The following PSTPIP2 variants were observed in gnomAD, a reference collection of about 807,000 sequenced individuals.
PSTPIP2 encodes proline-serine-threonine phosphatase-interacting protein 2.
Under a neutral mutation model 63.3 loss-of-function variants are expected in PSTPIP2, and 33 were observed. The observed-to-expected ratio is 0.52, with a 90% CI of 0.40 to 0.70. The LOEUF is 0.70. Ranked by LOEUF, PSTPIP2 falls within the 30% of genes least tolerant of loss-of-function variation. The pLI, the probability that PSTPIP2 is intolerant of heterozygous loss-of-function variation, is 0.00. For synonymous variants in PSTPIP2, 125 were observed against 132.7 expected, an observed-to-expected ratio of 0.94 and a Z score of 0.40; for missense variants, 312 against 400.7, an observed-to-expected ratio of 0.78 and a Z score of 1.89.
intron 1 of PSTPIP2, among the ~76,000 whole-genome samples, chr18:46,043,118 G>T (rs1342615234): frequency 2.0e-5 from 3 of 151,664 alleles, no homozygotes; most frequent in African/African-American, 4.9e-5. Context: ...AGGTGTGGTG[G>T]CTCATGCCTG....
intron 2 of PSTPIP2, chr18:46,029,635 C>G: frequency 1.3e-6 from 1 of 752,614 alleles, no homozygotes; most frequent in East Asian, 2.4e-5. Flanking sequence ...TGTTAATTCT[C>G]TGACATTCAA....
chr18:45,998,624 A>C (rs2051629320), intron 8 of PSTPIP2, among the ~76,000 whole-genome samples, 170 bp downstream of exon 8: 7 of 145,708 alleles, frequency 4.8e-5, no homozygotes, highest in African/African-American at 1.3e-4. Context: ...TCCCTTCCTT[A>C]CTCTCTCCCT....
intron 2 of PSTPIP2, among the ~76,000 whole-genome samples, chr18:46,028,143 AGAGT>A (rs1907649451): frequency 1.3e-5 from 2 of 152,404 alleles, no homozygotes; most frequent in African/African-American, 2.4e-5. Context: ...CCCGGGCGAC[AGAGT>A]GAGACAGTGT....
chr18:46,047,082 A>C lies in PSTPIP2; in HGVS notation c.34-7035T>G, dbSNP rs897395862. Among the ~76,000 whole-genome samples the C allele has an allele frequency of 9.8e-5, 15 of 152,336 alleles. 1 individual carries two copies. In the Middle Eastern group the frequency reaches 0.014, roughly 138 times the overall value. On this transcript the variant is annotated intron_variant, in intron 1 of 14. Coordinates refer to ENST00000409746, the MANE Select transcript of PSTPIP2 (RefSeq NM_024430.4). ...ACCACTATGAAAAATTTTAATTCTC[A>C]ACTAACAATATTATCCAAATCTCTC...
chr18:46,010,711 C>G (rs1396676648), intron 5 of PSTPIP2: 1 of 155,114 alleles, frequency 6.4e-6, no homozygotes, highest in Non-Finnish European at 1.4e-5. Flanking sequence ...GACAAGAGTA[C>G]TCGGAGTTCC....
intron 9 of PSTPIP2, among the ~76,000 whole-genome samples, chr18:45,994,356 G>T (rs1262030146): frequency 6.6e-6 from 1 of 152,122 alleles, no homozygotes; most frequent in Non-Finnish European, 1.5e-5. Flanking sequence ...TAACATGAAT[G>T]AATTTTACAT....
At chr18:45,986,447 A>G (rs1055351697) in intron 14 of PSTPIP2, among the ~76,000 whole-genome samples, 4 of 152,250 alleles carry the variant, frequency 2.6e-5, no homozygotes, top group Non-Finnish European at 2.9e-5. Context: ...TTACCCAAAC[A>G]AGTAAGAACA....
chr18:45,999,637 A>C, intron 6 of PSTPIP2, 103 bp from the exon 7 acceptor site: 2 of 1,121,960 alleles, frequency 1.8e-6, no homozygotes, highest in Non-Finnish European at 2.6e-6. Context: ...GGGCCGTCTG[A>C]TTAGTGCTCT....
intron 5 of PSTPIP2, among the ~76,000 whole-genome samples, chr18:46,006,435 A>T (rs1196798466): frequency 1.1e-4 from 16 of 139,230 alleles, no homozygotes; most frequent in Non-Finnish European, 9.0e-5. Flanking sequence ...GCAGTGGTGC[A>T]ATCTCAGCTC....
At chr18:46,010,540 T>C (rs2051783483) in intron 5 of PSTPIP2, among the ~76,000 whole-genome samples, 1 of 152,244 alleles carries the variant, frequency 6.6e-6, no homozygotes, top group South Asian at 2.1e-4. Context: ...GAGTTGTGGC[T>C]GGTCTAGTCT....
chr18:46,024,606 T>G lies in PSTPIP2; in HGVS notation c.212+3A>C. On this transcript the variant is annotated splice_donor_region_variant and intron_variant, in intron 3 of 14. Transcript: ENST00000409746. ...GGAAACCAGAAAAAAACTTGATACA[T>G]ACTTGATTTCAGACTGTCCACACGG... is the stretch of plus-strand genomic sequence containing the variant. 6.2e-7 allele frequency: 1 copy of G among 1,612,912 alleles called. No individual in the cohort carries two copies. Among genetic ancestry groups the G allele is most frequent in the East Asian group, 2.2e-5 (1 of 44,872 alleles).
intron 1 of PSTPIP2, among the ~76,000 whole-genome samples, chr18:46,065,021 G>A (rs1250447637): frequency 6.6e-6 from 1 of 151,296 alleles, no homozygotes; most frequent in South Asian, 2.1e-4. Context: ...GTGCATGCCT[G>A]TAATTCCAGC....
At chr18:46,063,054 G>A (rs1315442217) in intron 1 of PSTPIP2, among the ~76,000 whole-genome samples, 1 of 152,202 alleles carries the variant, frequency 6.6e-6, no homozygotes, top group Non-Finnish European at 1.5e-5. Flanking sequence ...CCAGGTTGCA[G>A]TGCAGTGGTG....
Position 46,021,619 on chromosome 18 carries a change from G to A in PSTPIP2, c.212+2990C>T, listed in dbSNP as rs541401384. On this transcript the variant is annotated intron_variant, in intron 3 of 14. Transcript: ENST00000409746. The stretch of plus-strand genomic sequence containing the variant: ...CCATTCCCTGCCAGGGCCTACATAC[G>A]ATGATGCCTCTGTGACAATGATCAA... 5.9e-5 allele frequency among the ~76,000 whole-genome samples: 9 copies of A among 151,430 alleles called. No homozygotes were observed. The South Asian group carries it at 6.2e-4, about 10-fold the overall frequency.
At chr18:46,022,132 A>C (rs557777300) in intron 3 of PSTPIP2, among the ~76,000 whole-genome samples, 1 of 152,286 alleles carries the variant, frequency 6.6e-6, no homozygotes, top group East Asian at 1.9e-4. Flanking sequence ...TAGCCAATGA[A>C]AAATAAATCT....
chr18:46,055,018 C>T (rs1199687604), intron 1 of PSTPIP2, among the ~76,000 whole-genome samples: 3 of 152,174 alleles, frequency 2.0e-5, no homozygotes, highest in Non-Finnish European at 4.4e-5. Flanking sequence ...TTGATCGTAT[C>T]AGCAAATTGG....
intron 2 of PSTPIP2, among the ~76,000 whole-genome samples, chr18:46,034,719 G>A (rs1011112): frequency 0.045 from 6,804 of 152,100 alleles, 481 homozygotes; most frequent in African/African-American, 0.15. Context: ...CGTATCTACC[G>A]CTTATTAGCT....
At chr18:45,985,715 C>T (rs1033843909) in intron 14 of PSTPIP2, among the ~76,000 whole-genome samples, 4 of 151,982 alleles carry the variant, frequency 2.6e-5, no homozygotes, top group African/African-American at 9.7e-5. Flanking sequence ...GAATTAACAA[C>T]AGGAATAGCA....
intron 9 of PSTPIP2, among the ~76,000 whole-genome samples, chr18:45,994,424 G>A (rs2051571345): frequency 6.6e-6 from 1 of 152,138 alleles, no homozygotes; most frequent in Non-Finnish European, 1.5e-5. Context: ...AAAGGATGGG[G>A]ACAGGTATAG....
Sources: gnomAD v4.1 joint callset for allele counts (sites outside exome capture counted in the v4.1 genomes callset) on GRCh38, gnomAD v4.1.1 for gene constraint, MANE v1.5 for transcripts, NCBI Gene and HGNC (gene_info 2026-07-23, HGNC 2026-07-21) for gene names.